The following EHMT1 variants were observed in gnomAD, a reference collection of about 807,000 sequenced individuals.
EHMT1 encodes euchromatic histone lysine methyltransferase 1, also known as histone-lysine N-methyltransferase EHMT1.
EHMT1 carries 15 observed loss-of-function variants against 147.2 expected under a neutral mutation model. The ratio of observed to expected loss-of-function variants is 0.10; its 90% CI spans 0.07 to 0.16. The LOEUF (loss-of-function observed/expected upper bound fraction) is 0.16, where lower values mean the gene tolerates loss of function less well. Among genes scored for constraint, EHMT1 ranks in the 10% least tolerant of loss-of-function variants. EHMT1 has a pLI of 1.00. For synonymous variants in EHMT1, 795 were observed against 709.6 expected (o/e 1.12, Z -1.91); for missense variants, 1,587 against 1,772.4 (o/e 0.90, Z 1.88).
chr9:137,665,496 G>A (rs1013569666), intron 1 of EHMT1, among the ~76,000 whole-genome samples: 3 of 152,152 alleles, frequency 2.0e-5, no homozygotes, highest in Non-Finnish European at 4.4e-5. Context: ...TGCGCATTGC[G>A]AGCTGGTGTT....
intron 8 of EHMT1, 75 bp from the exon 9 acceptor site, chr9:137,757,805 T>TTG (rs1303717910): frequency 2.5e-6 from 4 of 1,607,162 alleles, no homozygotes; most frequent in Non-Finnish European, 2.5e-6. Flanking sequence ...GGCCCCAGCC[T>TTG]TGCTGCCCTG....
At chr9:137,795,442 TAC>T (rs1163102518) in intron 16 of EHMT1, among the ~76,000 whole-genome samples, 9 of 44,840 alleles carry the variant, frequency 2.0e-4, no homozygotes, top group Admixed American at 1.1e-3. Context: ...CACACTCACA[TAC>T]ACACACAGAC....
chr9:137,692,447 T>C (rs1943020220), intron 1 of EHMT1, among the ~76,000 whole-genome samples: 1 of 151,860 alleles, frequency 6.6e-6, no homozygotes, highest in South Asian at 2.1e-4. Context: ...GTATTTTTAG[T>C]GGAAACGGGG....
rs1284677923 is a variant in EHMT1, at chr9:137,792,166, T to C, written c.2505+1196T>C. 6.5e-6 allele frequency: 3 copies of C among 462,506 alleles called. No individual in the cohort carries two copies. In the East Asian group the frequency reaches 2.1e-4, roughly 32 times the overall value. 28.7% of individuals were successfully genotyped at this position (462,506 alleles called of 1,614,324 possible). A position where few individuals can be genotyped will look rare whatever the true frequency, so the allele number is the denominator to read the frequency against. On this transcript the variant is annotated intron_variant, in intron 16 of 26. Transcript: ENST00000460843. ...CACACTTGCTGATTTCAAAACTTAC[T>C]ATATACGGCCACAGTAATGAAAACA...
chr9:137,630,851 G>A (rs1843579862), intron 1 of EHMT1, among the ~76,000 whole-genome samples: 1 of 152,110 alleles, frequency 6.6e-6, no homozygotes, highest in South Asian at 2.1e-4. Context: ...GAGAGGCAGG[G>A]CAAGGTTATC....
At chr9:137,619,216 G>A (rs1249897957) in intron 1 of EHMT1, among the ~76,000 whole-genome samples, 167 bp downstream of exon 1, 1 of 141,780 alleles carries the variant, frequency 7.1e-6, no homozygotes, top group Non-Finnish European at 1.6e-5. Flanking sequence ...GGCCGAGGCC[G>A]GGCCGAGGCC....
At chr9:137,780,498 T>C (rs1409372933) in intron 14 of EHMT1, among the ~76,000 whole-genome samples, 5 of 119,812 alleles carry the variant, frequency 4.2e-5, no homozygotes, top group South Asian at 3.1e-4. Context: ...GTGATGACGC[T>C]GAGACGTGTG....
chr9:137,823,170 C>T (rs1304163130), intron 25 of EHMT1, among the ~76,000 whole-genome samples: 1 of 148,010 alleles, frequency 6.8e-6, no homozygotes, highest in Non-Finnish European at 1.5e-5. Context: ...GCAGTCTCGG[C>T]TCACTGCAAG....
intron 25 of EHMT1, among the ~76,000 whole-genome samples, chr9:137,821,318 C>CGT (rs1554901044): frequency 1.6e-5 from 1 of 63,980 alleles, no homozygotes; most frequent in Non-Finnish European, 2.6e-5. Context: ...TGCGCCCGGC[C>CGT]TTTTTTTTTT....
In EHMT1 at chr9:137,763,069, G is replaced by T. The variant is rs961128527; in HGVS notation, c.1647+249G>T. The T allele has an allele frequency of 1.1e-5, 7 of 611,226 alleles. No homozygotes were observed. In the East Asian group the frequency reaches 1.9e-4, roughly 17 times the overall value. The allele number at this position is 611,226 out of a possible 1,614,324, so 37.9% of individuals were successfully genotyped here. A position where few individuals can be genotyped will look rare whatever the true frequency, so the allele number is the denominator to read the frequency against. ...AGTCTTTGAATGAAAATGGCCTGTT[G>T]TATTTCTTTTTTATGATCATGGTTT... On this transcript the variant is annotated intron_variant, in intron 10 of 26. Coordinates refer to ENST00000460843, the MANE Select transcript of EHMT1 (RefSeq NM_024757.5).
At chr9:137,746,697 T>C (rs951285728) in intron 6 of EHMT1, 2 of 152,204 alleles carry the variant, frequency 1.3e-5, no homozygotes, top group African/African-American at 4.8e-5. Flanking sequence ...AAATGTGAGG[T>C]AAGGGTCCCA....
intron 25 of EHMT1, among the ~76,000 whole-genome samples, chr9:137,819,832 G>C (rs2132852942): frequency 6.6e-6 from 1 of 152,172 alleles, no homozygotes; most frequent in Non-Finnish European, 1.5e-5. Context: ...GTGTGGGAGA[G>C]AGCAGGGGCC....
chr9:137,708,182 T>C (rs1052961351), intron 1 of EHMT1, among the ~76,000 whole-genome samples: 3 of 152,244 alleles, frequency 2.0e-5, no homozygotes, highest in African/African-American at 7.2e-5. Context: ...TTTTCCATGT[T>C]GGTCCATCTC....
Position 137,726,081 on chromosome 9 carries a change from C to T in EHMT1, c.643-2268C>T, listed in dbSNP as rs545023664. ...GCCTTGACTATAGTTGATGCAGGTG[C>T]CTTGTCGTGTGTGTGTGTGTGTGTG... is the stretch of plus-strand genomic sequence containing the variant. On this transcript the variant is annotated intron_variant, in intron 3 of 26. Coordinates refer to ENST00000460843, the MANE Select transcript of EHMT1 (RefSeq NM_024757.5). Among the ~76,000 whole-genome samples the T allele has an allele frequency of 2.4e-3, 329 of 134,970 alleles. 3 individuals carry two copies. Among genetic ancestry groups the T allele is most frequent in the African/African-American group, 9.1e-3 (304 of 33,398 alleles). The allele number at this position is 134,970 out of a possible 152,430, so 88.5% of individuals were successfully genotyped here.
At chr9:137,777,242 G>T in intron 12 of EHMT1, 1 of 259,322 alleles carries the variant, frequency 3.9e-6, no homozygotes, top group African/African-American at 2.3e-5. Context: ...AAAATAATTA[G>T]AAGTGTTCAT....
chr9:137,727,844 A>G (rs947412149), intron 3 of EHMT1, among the ~76,000 whole-genome samples: 55 of 152,250 alleles, frequency 3.6e-4, no homozygotes, highest in African/African-American at 1.3e-3. Context: ...TTAACACACA[A>G]CATAGTTACC....
rs767801457 is a variant in EHMT1 at position 137,716,594 on chromosome 9, G to A, written c.86-32G>A. 10 of 1,534,484 alleles carry A rather than the reference G, an allele frequency of 6.5e-6. No individual in the cohort carries two copies. The South Asian group carries it at 9.0e-5, about 14-fold the overall frequency. ...GGTGGTGCCATGGAGAGCGTGGCCT[G>A]CAGTCAGTGACACTCGTTTCTTTGT... On this transcript the variant is annotated intron_variant, in intron 2 of 26. Coordinates refer to ENST00000460843, the MANE Select transcript of EHMT1 (RefSeq NM_024757.5).
intron 6 of EHMT1, chr9:137,746,886 T>C (rs1423708307): frequency 6.6e-6 from 1 of 152,234 alleles, no homozygotes; most frequent in Non-Finnish European, 1.5e-5. Context: ...TGAATAACTC[T>C]AGGTATTTGT....
intron 3 of EHMT1, among the ~76,000 whole-genome samples, chr9:137,726,815 A>G (rs1208152710): frequency 3.9e-5 from 6 of 152,180 alleles, no homozygotes; most frequent in Non-Finnish European, 7.3e-5. Context: ...TGTGGTTTCC[A>G]TATGCATTTC....
Sources: gnomAD v4.1 joint callset for allele counts (sites outside exome capture counted in the v4.1 genomes callset) on GRCh38, gnomAD v4.1.1 for gene constraint, MANE v1.5 for transcripts, NCBI Gene and HGNC (gene_info 2026-07-23, HGNC 2026-07-21) for gene names.